TACC2: variants seen among roughly 807,000 people sequenced by gnomAD.
TACC2 encodes the protein transforming acidic coiled-coil-containing protein 2.
TACC2 carries 137 observed loss-of-function variants against 227.3 expected under a neutral mutation model. The ratio of observed to expected loss-of-function variants is 0.60; its 90% CI spans 0.52 to 0.69. The LOEUF (loss-of-function observed/expected upper bound fraction) is 0.69, where lower values mean the gene tolerates loss of function less well. Ranked by LOEUF, TACC2 falls within the 30% of genes least tolerant of loss-of-function variation. The probability of loss-of-function intolerance (pLI) is 0.00; values close to 1 mark genes in which losing one functional copy is unlikely to be tolerated. For synonymous variants in TACC2, 1,523 were observed against 1,487.5 expected (o/e 1.02, Z -0.55); for missense variants, 3,470 against 3,694.4 (o/e 0.94, Z 1.57).
At chr10:122,123,018 C>A (rs762652472) in intron 5 of TACC2, among the ~76,000 whole-genome samples, 2 of 151,934 alleles carry the variant, frequency 1.3e-5, no homozygotes, top group Admixed American at 1.3e-4. Context: ...TTTTGGAGAT[C>A]ATTTTTTTGA....
intron 3 of TACC2, among the ~76,000 whole-genome samples, chr10:122,071,126 T>C (rs1180946214): frequency 6.6e-6 from 1 of 152,138 alleles, no homozygotes; most frequent in Admixed American, 6.5e-5. Context: ...TTCTACCAAA[T>C]CCCTTGATTT....
chr10:122,058,881 G>A (rs2076475883), intron 3 of TACC2, among the ~76,000 whole-genome samples: 1 of 136,706 alleles, frequency 7.3e-6, no homozygotes, highest in African/African-American at 2.6e-5. Context: ...ACTGAGCCCA[G>A]CCCCCTCTGT....
Position 122,083,363 on chromosome 10 carries a change from G to A in TACC2, c.863G>A (p.Arg288Lys). The part of the protein sequence containing the change: ...PQDPAPRASD[R>K]ERGQGEAPPQ... ...GATCCAGCCCCAAGAGCCTCAGACAGAGAAAGAGGCCAAGGGGAGGCGCCG... is the reference window on the plus strand; with the variant it reads ...GATCCAGCCCCAAGAGCCTCAGACAAAGAAAGAGGCCAAGGGGAGGCGCCG... Residue 288 changes from arginine (R) to lysine (K), a missense_variant, in exon 4 of 23, where the codon AGA becomes AAA. Arg to Lys is a conservative substitution (Grantham distance 26). Coordinates refer to ENST00000369005, the MANE Select transcript of TACC2 (RefSeq NM_206862.4). 1.2e-6 allele frequency: 2 copies of A among 1,613,978 alleles called. No individual in the cohort carries two copies. The highest frequency in any genetic ancestry group is 1.7e-6 in the Non-Finnish European group (2 of 1,180,024).
At chr10:122,098,868 A>G (rs1209489294) in intron 5 of TACC2, among the ~76,000 whole-genome samples, 1 of 152,066 alleles carries the variant, frequency 6.6e-6, no homozygotes, top group Non-Finnish European at 1.5e-5. Context: ...TCAGCCTCCC[A>G]ATGGGGGTGG....
At chr10:122,093,754 A>G (rs2081079372) in intron 5 of TACC2, among the ~76,000 whole-genome samples, 1 of 152,332 alleles carries the variant, frequency 6.6e-6, no homozygotes, top group African/African-American at 2.4e-5. Flanking sequence ...TGGGGTTAGG[A>G]TAAAATTGGA....
chr10:122,176,115 CTCTATATA>C (rs1400819615), intron 7 of TACC2, among the ~76,000 whole-genome samples: 1,789 of 46,866 alleles, frequency 0.038, 12 homozygotes, highest in Non-Finnish European at 0.047. Flanking sequence ...CTCTCTCTCT[CTCTATATA>C]TATATATATA....
At chr10:122,136,987 G>A (rs969786701) in intron 6 of TACC2, among the ~76,000 whole-genome samples, 2 of 152,090 alleles carry the variant, frequency 1.3e-5, no homozygotes, top group South Asian at 4.2e-4. Flanking sequence ...TTGGTGCCCT[G>A]CCCTCTAGTT....
chr10:122,066,866 C>T (rs1383234885), intron 3 of TACC2, among the ~76,000 whole-genome samples: 1 of 152,080 alleles, frequency 6.6e-6, no homozygotes, highest in African/African-American at 2.4e-5. Flanking sequence ...TTAGTGGTTG[C>T]TTTAAGAAGT....
chr10:122,133,535 G>A (rs528446334), intron 6 of TACC2, among the ~76,000 whole-genome samples: 1 of 152,228 alleles, frequency 6.6e-6, no homozygotes, highest in Non-Finnish European at 1.5e-5. Context: ...GTCTGTGTGT[G>A]TGTCTATGAA....
At chr10:122,024,547 CCTCT>C (rs1321484881) in intron 2 of TACC2, among the ~76,000 whole-genome samples, 15 of 152,140 alleles carry the variant, frequency 9.9e-5, no homozygotes, top group African/African-American at 3.4e-4. Context: ...GCCACACCCA[CCTCT>C]CTCTCCTCTC....
rs147660886 is a variant in TACC2 at position 122,130,822 on chromosome 10, G to A, written c.5574-1787G>A. Among the ~76,000 whole-genome samples, 569 of 152,154 alleles carry A rather than the reference G, an allele frequency of 3.7e-3. 10 individuals are homozygous for A. The highest frequency in any genetic ancestry group is 0.013 in the African/African-American group (538 of 41,450). ...ATACAGTGCCATCTATACGCACTTA[G>A]AACAGTTCCTGGCACGTATACGTAG... On this transcript the variant is annotated intron_variant, in intron 5 of 22. Coordinates refer to ENST00000369005, the MANE Select transcript of TACC2 (RefSeq NM_206862.4).
At chr10:122,207,113 A>G (rs2095136999) in intron 8 of TACC2, among the ~76,000 whole-genome samples, 1 of 152,058 alleles carries the variant, frequency 6.6e-6, no homozygotes, top group African/African-American at 2.4e-5. Flanking sequence ...AACCTGGCCA[A>G]CATAATGAAA....
Position 122,084,419 on chromosome 10 carries a change from G to C in TACC2, c.1919G>C (p.Gly640Ala). The change falls in exon 4 of 23, where the codon GGT becomes GCT. Residue 640 changes from glycine (G) to alanine (A), a missense_variant. This residue lies in a region of TACC2 where 1,924 missense variants were observed against 1,978.3 expected (regional missense o/e 0.97). Coordinates refer to ENST00000369005, the MANE Select transcript of TACC2 (RefSeq NM_206862.4). The part of the protein sequence containing the change: ...SHSAQPPRKG[G>A]AGHTDGPHSQ... ...TCAGCACAGCCACCCAGAAAGGGGGGTGCTGGGCACACGGACGGGCCCCAC... is the reference window on the plus strand; with the variant it reads ...TCAGCACAGCCACCCAGAAAGGGGGCTGCTGGGCACACGGACGGGCCCCAC... The C allele has an allele frequency of 1.9e-6, 3 of 1,613,008 alleles. No homozygotes were observed. Among genetic ancestry groups the C allele is most frequent in the South Asian group, 1.1e-5 (1 of 91,076 alleles).
At chr10:122,068,658 G>T (rs2077648864) in intron 3 of TACC2, among the ~76,000 whole-genome samples, 2 of 112,886 alleles carry the variant, frequency 1.8e-5, no homozygotes, top group South Asian at 4.0e-4. Flanking sequence ...TGTGAGGATT[G>T]CTCCTCCGAA....
At chr10:122,173,007 C>A in intron 7 of TACC2, among the ~76,000 whole-genome samples, 1 of 152,116 alleles carries the variant, frequency 6.6e-6, no homozygotes, top group Non-Finnish European at 1.5e-5. Flanking sequence ...CCCAGAACAT[C>A]CTCAGACAGG....
chr10:122,031,081 G>A (rs781274692), intron 2 of TACC2, among the ~76,000 whole-genome samples: 1 of 152,090 alleles, frequency 6.6e-6, no homozygotes. Flanking sequence ...GAATGGCCTG[G>A]CCATTTAGCC....
At chr10:122,080,536 T>C (rs2079353638) in intron 3 of TACC2, among the ~76,000 whole-genome samples, 1 of 152,028 alleles carries the variant, frequency 6.6e-6, no homozygotes, top group Non-Finnish European at 1.5e-5. Flanking sequence ...CCCGGCCTCT[T>C]CCTCTTCTTA....
intron 2 of TACC2, among the ~76,000 whole-genome samples, chr10:122,029,845 G>A (rs781323526): frequency 5.3e-5 from 8 of 150,076 alleles, no homozygotes; most frequent in Non-Finnish European, 8.9e-5. Flanking sequence ...GGGGTCTTAG[G>A]GATGCTTTTG....
intron 7 of TACC2, among the ~76,000 whole-genome samples, chr10:122,191,973 G>C (rs936863887): frequency 1.3e-5 from 2 of 152,148 alleles, no homozygotes; most frequent in Admixed American, 6.5e-5. Context: ...AGACTCGTTG[G>C]GGGTGGACTG....
Sources: gnomAD v4.1 joint callset for allele counts (sites outside exome capture counted in the v4.1 genomes callset) on GRCh38, gnomAD v4.1.1 for gene constraint, gnomAD v4.1.1 regional missense constraint, MANE v1.5 for transcripts, NCBI Gene and HGNC (gene_info 2026-07-23, HGNC 2026-07-21) for gene names.